The following WDFY2 variants were observed in gnomAD, a reference collection of about 807,000 sequenced individuals.
WDFY2 encodes the protein WD repeat and FYVE domain containing 2, also known as WD repeat and FYVE domain-containing protein 2.
In WDFY2, 36 loss-of-function variants were observed where a neutral mutation model predicts 56.4. That is an observed-to-expected ratio of 0.64 (90% confidence interval 0.49 to 0.84). WDFY2 has a LOEUF of 0.84. Among genes scored for constraint, WDFY2 ranks in the 40% least tolerant of loss-of-function variants. The pLI is 0.00. For missense variants in WDFY2, 444 were observed against 512.2 expected, an observed-to-expected ratio of 0.87 and a Z score of 1.29; for synonymous variants, 176 against 183.7, an observed-to-expected ratio of 0.96 and a Z score of 0.34.
At chr13:51,667,420 TAACTTCAG>T (rs1290478560) in intron 2 of WDFY2, among the ~76,000 whole-genome samples, 1 of 152,216 alleles carries the variant, frequency 6.6e-6, no homozygotes, top group Non-Finnish European at 1.5e-5. Flanking sequence ...GGACTTTCGG[TAACTTCAG>T]AATGTGGAGG....
At chr13:51,716,336 A>G (rs1331643604) in intron 4 of WDFY2, among the ~76,000 whole-genome samples, 1 of 152,228 alleles carries the variant, frequency 6.6e-6, no homozygotes, top group African/African-American at 2.4e-5. Flanking sequence ...ATTATACACT[A>G]TAAAATGTTT....
Position 51,762,693 on chromosome 13 carries a change from G to A in WDFY2, c.*2924G>A, listed in dbSNP as rs1442463053. The A allele has an allele frequency of 2.0e-5, 3 of 152,302 alleles. No individual in the cohort carries two copies. Among genetic ancestry groups the A allele is most frequent in the East Asian group, 1.9e-4 (1 of 5,184 alleles). 9.4% of individuals were successfully genotyped at this position (152,302 alleles called of 1,614,324 possible). A position where few individuals can be genotyped will look rare whatever the true frequency, so the allele number is the denominator to read the frequency against. ...CACTTGGCTCTTGTTCTGTCTAGGTGAACTCTCATAATTCTTGTTTTACCC... is the reference window on the plus strand; with the variant it reads ...CACTTGGCTCTTGTTCTGTCTAGGTAAACTCTCATAATTCTTGTTTTACCC... On this transcript the variant is annotated 3_prime_UTR_variant, in exon 12 of 12. Coordinates refer to ENST00000298125, the MANE Select transcript of WDFY2 (RefSeq NM_052950.4).
chr13:51,598,507 A>C (rs1015434398), intron 1 of WDFY2: 1 of 152,166 alleles, frequency 6.6e-6, no homozygotes. Context: ...GGGGGCATGC[A>C]ACAAGGATCT....
chr13:51,642,863 A>C (rs1429424242), intron 1 of WDFY2, among the ~76,000 whole-genome samples: 2 of 151,692 alleles, frequency 1.3e-5, no homozygotes, highest in Non-Finnish European at 2.9e-5. Flanking sequence ...GTATTTTTAG[A>C]GATGGGGTTT....
chr13:51,679,219 A>G (rs1285651634), intron 3 of WDFY2, among the ~76,000 whole-genome samples: 1 of 152,206 alleles, frequency 6.6e-6, no homozygotes, highest in Non-Finnish European at 1.5e-5. Context: ...TGGTGAGGAA[A>G]TGTCAACACA....
At chr13:51,666,943 G>A (rs1955714245) in intron 2 of WDFY2, among the ~76,000 whole-genome samples, 1 of 152,158 alleles carries the variant, frequency 6.6e-6, no homozygotes, top group African/African-American at 2.4e-5. Context: ...GCAGTATTCA[G>A]AATGGCTTGT....
At chr13:51,739,251 C>T (rs1952911383) in intron 7 of WDFY2, 76 bp downstream of exon 7, 3 of 1,429,840 alleles carry the variant, frequency 2.1e-6, no homozygotes, top group Admixed American at 2.6e-5. Flanking sequence ...GAGTGCAGCC[C>T]AGTCTGTGGC....
intron 2 of WDFY2, among the ~76,000 whole-genome samples, chr13:51,666,950 TTG>T (rs1161358040): frequency 6.6e-6 from 1 of 152,254 alleles, no homozygotes; most frequent in Non-Finnish European, 1.5e-5. Flanking sequence ...TCAGAATGGC[TTG>T]TAGGTTAGAC....
At chr13:51,694,134 T>A (rs1326716323) in intron 3 of WDFY2, among the ~76,000 whole-genome samples, 6 of 152,226 alleles carry the variant, frequency 3.9e-5, no homozygotes, top group African/African-American at 1.4e-4. Context: ...TGACTCTTTA[T>A]CCAATTTGCC....
At chr13:51,678,321 T>G (rs1955921684) in intron 3 of WDFY2, among the ~76,000 whole-genome samples, 1 of 152,194 alleles carries the variant, frequency 6.6e-6, no homozygotes, top group South Asian at 2.1e-4. Flanking sequence ...TTGTGGCTCC[T>G]TTTACAAATT....
chr13:51,596,574 T>C (rs1954154489), intron 1 of WDFY2, among the ~76,000 whole-genome samples: 1 of 152,226 alleles, frequency 6.6e-6, no homozygotes. Flanking sequence ...GATGATCACC[T>C]GGAAACACTG....
In WDFY2 at chr13:51,759,959, A is replaced by G. The variant is rs965762420; in HGVS notation, c.*190A>G. 5.5e-6 allele frequency: 3 copies of G among 548,950 alleles called. No individual in the cohort carries two copies. The highest frequency in any genetic ancestry group is 2.8e-5 in the East Asian group (1 of 35,368). The allele number at this position is 548,950 out of a possible 1,614,324, so 34.0% of individuals were successfully genotyped here. On this transcript the variant is annotated 3_prime_UTR_variant, in exon 12 of 12. Coordinates refer to ENST00000298125, the MANE Select transcript of WDFY2 (RefSeq NM_052950.4). ...GAGCACTCGCAAGGGGACTCTTCCA[A>G]CTTGTTCATACAATATAAAAGAAGC... is the stretch of plus-strand genomic sequence containing the variant.
chr13:51,691,619 G>T (rs1420992670), intron 3 of WDFY2, among the ~76,000 whole-genome samples: 2 of 152,114 alleles, frequency 1.3e-5, no homozygotes, highest in African/African-American at 4.8e-5. Flanking sequence ...ATAGTTTGGA[G>T]TCAGGTAGTG....
chr13:51,708,890 C>A (rs1000460715), intron 4 of WDFY2, among the ~76,000 whole-genome samples: 1 of 152,126 alleles, frequency 6.6e-6, no homozygotes, highest in Admixed American at 6.5e-5. Flanking sequence ...AAGTAGATTT[C>A]AGAGCAAAGA....
intron 3 of WDFY2, among the ~76,000 whole-genome samples, chr13:51,684,646 C>G (rs1246891584): frequency 1.3e-5 from 2 of 152,100 alleles, no homozygotes; most frequent in Non-Finnish European, 2.9e-5. Context: ...ATGCTCTTCT[C>G]TCTTCCTTCA....
chr13:51,694,367 A>G (rs917858014), intron 3 of WDFY2, among the ~76,000 whole-genome samples: 174 of 152,212 alleles, frequency 1.1e-3, no homozygotes, highest in Non-Finnish European at 1.7e-3. Flanking sequence ...GAGCTCTTTT[A>G]GGGCAGGCCT....
At chr13:51,725,857 C>T (rs760518255) in intron 5 of WDFY2, among the ~76,000 whole-genome samples, 2 of 152,040 alleles carry the variant, frequency 1.3e-5, no homozygotes, top group Non-Finnish European at 2.9e-5. Context: ...CCATGCTCAA[C>T]TAATTATTTT....
At chr13:51,711,066 G>T (rs1315115892) in intron 4 of WDFY2, among the ~76,000 whole-genome samples, 1 of 152,146 alleles carries the variant, frequency 6.6e-6, no homozygotes, top group Non-Finnish European at 1.5e-5. Context: ...AACCAAAACA[G>T]CATGGTACTG....
At chr13:51,723,870 C>T (rs999515314) in intron 5 of WDFY2, among the ~76,000 whole-genome samples, 3 of 152,164 alleles carry the variant, frequency 2.0e-5, no homozygotes, top group Admixed American at 6.5e-5. Flanking sequence ...TTTTCTAATC[C>T]TATCATATTT....
Sources: allele counts gnomAD v4.1 joint callset (sites outside exome capture counted in the v4.1 genomes callset), GRCh38; gene constraint gnomAD v4.1.1; transcripts MANE v1.5; gene names NCBI Gene and HGNC (gene_info 2026-07-23, HGNC 2026-07-21).